Variants in DDX11 observed in about 807,000 individuals in gnomAD.
DDX11 encodes ATP-dependent DNA helicase DDX11.
Under a neutral mutation model 125.2 loss-of-function variants are expected in DDX11, and 72 were observed. The ratio of observed to expected loss-of-function variants is 0.58; its 90% CI spans 0.48 to 0.70. DDX11 has a LOEUF of 0.70. DDX11 is among the 30% of genes least tolerant of loss of function. The pLI is 0.00. For missense variants in DDX11, 883 were observed against 1,165.0 expected, an observed-to-expected ratio of 0.76 and a Z score of 3.52; for synonymous variants, 347 against 452.6, an observed-to-expected ratio of 0.77 and a Z score of 2.96.
intron 6 of DDX11, among the ~76,000 whole-genome samples, 197 bp from the exon 7 acceptor site, chr12:31,088,847 G>C (rs555793346): frequency 6.6e-6 from 1 of 152,228 alleles, no homozygotes; most frequent in African/African-American, 2.4e-5. Flanking sequence ...TGAACTTCTG[G>C]AGCTGTGGGT....
rs1442715822 is a variant in DDX11, at chr12:31,084,038, A to G, written c.370A>G (p.Arg124Gly). The G allele has an allele frequency of 1.9e-6, 3 of 1,613,894 alleles. No homozygotes were observed. Among genetic ancestry groups the G allele is most frequent in the South Asian group, 1.1e-5 (1 of 91,052 alleles). ...TCAGTTTGTGCAGAAGAAAGAAGAG[A>G]GGGACCTGGTGGACCGACTAAAGGT... ...VTQFVQKKEERDLVDRLKAEQ... is the reference protein window; with the variant it reads ...VTQFVQKKEEGDLVDRLKAEQ... Residue 124 changes from arginine (R) to glycine (G), a missense_variant, in exon 3 of 27, where the codon AGG becomes GGG. This residue lies in a region of DDX11 where 283 missense variants were observed against 359.6 expected (regional missense o/e 0.79). Coordinates refer to ENST00000542838, the MANE Select transcript of DDX11 (RefSeq NM_030653.4).
intron 5 of DDX11, among the ~76,000 whole-genome samples, chr12:31,087,321 C>G (rs1295474695): frequency 6.6e-6 from 1 of 151,586 alleles, no homozygotes; most frequent in East Asian, 2.0e-4. Flanking sequence ...GGTGAGGCCA[C>G]GGGGACTCAG....
chr12:31,087,376 C>T (rs886188123), intron 5 of DDX11, among the ~76,000 whole-genome samples: 13 of 152,114 alleles, frequency 8.5e-5, no homozygotes, highest in Admixed American at 2.6e-4. Context: ...ACATGACAGT[C>T]TGGGGAGATA....
Position 31,097,983 on chromosome 12 carries a change from G to A in DDX11, c.1861G>A (p.Gly621Ser), listed in dbSNP as rs1337560042. ...ATGCCGGGCAGTGGTCATTGCGGGG[G>A]GTACCATGCAGCCGGTAAGGACACC... The part of the protein sequence containing the change: ...KECRAVVIAG[G>S]TMQPVSDFRQ... Residue 621 changes from glycine (G) to serine (S), a missense_variant, in exon 18 of 27, where the codon GGT becomes AGT. Coordinates refer to ENST00000542838, the MANE Select transcript of DDX11 (RefSeq NM_030653.4). 3.1e-6 allele frequency: 5 copies of A among 1,613,554 alleles called. No homozygotes were observed. The highest frequency in any genetic ancestry group is 1.3e-5 in the African/African-American group (1 of 74,886).
chr12:31,093,514 G>A (rs7955366), intron 12 of DDX11, 190 bp downstream of exon 12: 339,740 of 725,036 alleles, frequency 0.47, 78,982 homozygotes, highest in East Asian at 0.83. Context: ...TAGGAGTTTT[G>A]AGACCAGCCT....
chr12:31,088,115 A>G (rs1242981479), intron 6 of DDX11, 132 bp downstream of exon 6: 24 of 1,394,836 alleles, frequency 1.7e-5, no homozygotes, highest in Non-Finnish European at 2.4e-5. Flanking sequence ...CAGCACTTGG[A>G]CTCCGTTGCT....
At chr12:31,094,423 C>G in intron 12 of DDX11, 167 bp from the exon 13 acceptor site, 1 of 1,243,094 alleles carries the variant, frequency 8.0e-7, no homozygotes. Context: ...GACCCACCTG[C>G]CCTCTCAGTG....
rs533712484 is a variant in DDX11 at position 31,101,282 on chromosome 12, C to G, written c.2052+152C>G. The G allele has an allele frequency of 2.4e-5, 17 of 706,710 alleles. No homozygotes were observed. In the East Asian group the frequency reaches 4.6e-4, roughly 19 times the overall value. The allele number at this position is 706,710 out of a possible 1,614,324, so 43.8% of individuals were successfully genotyped here. The stretch of plus-strand genomic sequence containing the variant: ...TAGAGCCACACAGAATGAGCGGCGT[C>G]GATCTAGATGCTTATGGAGGAAGGT... On this transcript the variant is annotated intron_variant, in intron 20 of 26. Transcript: ENST00000542838.
chr12:31,087,699 T>G, intron 5 of DDX11: 2 of 637,394 alleles, frequency 3.1e-6, no homozygotes, highest in Non-Finnish European at 5.6e-6. Context: ...AAGACTTGGG[T>G]TGGGGGTGCT....
chr12:31,076,276 T>G (rs767514356), intron 1 of DDX11, among the ~76,000 whole-genome samples: 2 of 151,976 alleles, frequency 1.3e-5, no homozygotes, highest in Non-Finnish European at 2.9e-5. Flanking sequence ...GGGAGTGAGA[T>G]TGTGGCTGTA....
Position 31,102,270 on chromosome 12 carries a change from C to T in DDX11, c.2230C>T (p.Gln744Ter), listed in dbSNP as rs776627170. 4.3e-6 allele frequency: 7 copies of T among 1,614,112 alleles called. No individual in the cohort carries two copies. Among genetic ancestry groups the T allele is most frequent in the Non-Finnish European group, 5.9e-6 (7 of 1,179,966 alleles). The change falls in exon 22 of 27, where the codon CAG (glutamine) becomes TAG (stop). Residue 744 changes from glutamine (Q) to a stop codon, truncating the protein, a stop_gained. Transcript: ENST00000542838. LOFTEE classifies it high-confidence loss of function. ...KIFQEPKSAH[Q>*]VEQVLLAYSR... ...ATTCCAGGAACCTAAGAGCGCACAC[C>T]AGGTGGAGCAGGTGCTGCTGGCATA...
chr12:31,101,097 A>G lies in DDX11; in HGVS notation c.2019A>G (p.Glu673=). 4 of 1,614,190 alleles carry G rather than the reference A, an allele frequency of 2.5e-6. No individual in the cohort carries two copies. The highest frequency in any genetic ancestry group is 3.4e-6 in the Non-Finnish European group (4 of 1,180,022). Residue 673 remains glutamate, a synonymous_variant, in exon 20 of 27, where the codon GAA becomes GAG. Transcript: ENST00000542838. ...ICSGISNQPL[E]FTFQKRELPQ... ...GCGGGATCTCCAACCAGCCGCTGGA[A>G]TTCACGTTCCAGAAAAGAGAGCTGC...
Position 31,092,842 on chromosome 12 carries a change from C to T in DDX11, c.1243-4C>T. 2.5e-6 allele frequency: 4 copies of T among 1,613,940 alleles called. No homozygotes were observed. Among genetic ancestry groups the T allele is most frequent in the Non-Finnish European group, 3.4e-6 (4 of 1,179,850 alleles). ...TCAGAGCCTGGTTTGTGTTCTTTCC[C>T]CAGCTCTGCCAGGCCCATTCCCAGC... On this transcript the variant is annotated splice_region_variant and splice_polypyrimidine_tract_variant and intron_variant, in intron 10 of 26. Transcript: ENST00000542838.
At chr12:31,094,531 G>A (rs1944872337) in intron 12 of DDX11, 59 bp from the exon 13 acceptor site, 1 of 1,397,638 alleles carries the variant, frequency 7.2e-7, no homozygotes, top group South Asian at 1.3e-5. Context: ...AGAGAAGATA[G>A]GGAAGGGTTG....
In DDX11 at chr12:31,102,951, G is replaced by A. The variant is rs1946658641; in HGVS notation, c.2388G>A (p.Val796=). Residue 796 remains valine, a synonymous_variant, in exon 24 of 27, where the codon GTG becomes GTA. Coordinates refer to ENST00000542838, the MANE Select transcript of DDX11 (RefSeq NM_030653.4). ...CCCCGCCCAGGTGTGTGGTGATGGT[G>A]GGCATGCCCTTCCCCAACATCAGGT... ...SDNLGRCVVM[V]GMPFPNIRSA... is the part of the protein sequence containing the mutation. The A allele has an allele frequency of 1.2e-6, 2 of 1,613,842 alleles. No individual in the cohort carries two copies. The highest frequency in any genetic ancestry group is 1.1e-5 in the South Asian group (1 of 91,076).
At chr12:31,076,352 G>C (rs978269024) in intron 1 of DDX11, among the ~76,000 whole-genome samples, 1 of 152,184 alleles carries the variant, frequency 6.6e-6, no homozygotes, top group African/African-American at 2.4e-5. Context: ...CGTTCCTGGA[G>C]CTGTCTTGAA....
intron 1 of DDX11, among the ~76,000 whole-genome samples, chr12:31,076,174 C>T (rs201212530): frequency 0.16 from 24,815 of 152,040 alleles, 2,613 homozygotes; most frequent in East Asian, 0.36. Context: ...AGACTTTTTA[C>T]TTGGCAGTGG....
rs1299786843 is a variant in DDX11, at chr12:31,091,889, C to T, written c.1242+18C>T. The T allele has an allele frequency of 1.2e-6, 2 of 1,613,642 alleles. No individual in the cohort carries two copies. The highest frequency in any genetic ancestry group is 1.7e-6 in the Non-Finnish European group (2 of 1,179,824). ...GCTCCCAGGTGTGTGGGCCTCCCCT[C>T]CCCGGGCCAGGGCCTGCTGTGACGT... On this transcript the variant is annotated intron_variant, in intron 10 of 26. Coordinates refer to ENST00000542838, the MANE Select transcript of DDX11 (RefSeq NM_030653.4).
intron 16 of DDX11, 38 bp from the exon 17 acceptor site, chr12:31,096,821 A>G (rs746969480): frequency 6.2e-6 from 10 of 1,614,040 alleles, no homozygotes; most frequent in Non-Finnish European, 2.5e-6. Flanking sequence ...TGTGGACCTG[A>G]CCAGAGGGAG....
Sources: gnomAD v4.1 joint callset for allele counts (sites outside exome capture counted in the v4.1 genomes callset) on GRCh38, gnomAD v4.1.1 for gene constraint, gnomAD v4.1.1 regional missense constraint, MANE v1.5 for transcripts, NCBI Gene and HGNC (gene_info 2026-07-23, HGNC 2026-07-21) for gene names.